The following CA10 variants were observed in gnomAD, a reference collection of about 807,000 sequenced individuals.
The protein encoded by CA10 is carbonic anhydrase-related protein 10.
A neutral mutation model predicts 44.2 loss-of-function variants in CA10; 14 were observed. The ratio of observed to expected loss-of-function variants is 0.32; its 90% CI spans 0.21 to 0.50. The LOEUF (loss-of-function observed/expected upper bound fraction) is 0.50. Among genes scored for constraint, CA10 ranks in the 20% least tolerant of loss-of-function variants. The pLI is 0.99. For missense variants in CA10, 350 were observed against 409.7 expected, an observed-to-expected ratio of 0.85 and a Z score of 1.26; for synonymous variants, 159 against 141.6, an observed-to-expected ratio of 1.12 and a Z score of -0.87.
chr17:51,762,624 A>G (rs1028064897), intron 3 of CA10: 16 of 152,294 alleles, frequency 1.1e-4, no homozygotes, highest in African/African-American at 3.8e-4. Flanking sequence ...ACTGTGTGAC[A>G]GATTCTTTGC....
At chr17:51,824,439 A>G (rs1907933472) in intron 3 of CA10, among the ~76,000 whole-genome samples, 1 of 152,238 alleles carries the variant, frequency 6.6e-6, no homozygotes. Context: ...AATAAATAAC[A>G]TTGTAATGTA....
intron 3 of CA10, among the ~76,000 whole-genome samples, chr17:51,791,310 A>T (rs1598046966): frequency 6.6e-6 from 1 of 152,200 alleles, no homozygotes; most frequent in South Asian, 2.1e-4. Flanking sequence ...TTCAAAACCA[A>T]TTCATGCAAT....
chr17:51,919,076 C>T (rs1276546930), intron 3 of CA10, among the ~76,000 whole-genome samples: 1 of 152,070 alleles, frequency 6.6e-6, no homozygotes, highest in African/African-American at 2.4e-5. Context: ...GTTTCAGAAA[C>T]CAAGCTTAGA....
rs531651880 is a variant in CA10, at chr17:52,029,561, CAAGGCG to C, written c.136+42752_136+42757del. Among the ~76,000 whole-genome samples the C allele has an allele frequency of 1.2e-3, 185 of 148,386 alleles. 4 individuals carry two copies. In the South Asian group the frequency reaches 0.025, roughly 20 times the overall value. On this transcript the variant is annotated intron_variant, in intron 2 of 8. Coordinates refer to ENST00000451037, the MANE Select transcript of CA10 (RefSeq NM_020178.5). ...GGCTTAGGAAGGTTGCTCAACCTCT[CAAGGCG>C]AAGGCGTTTGCTGTTTCTCATCTGT...
At chr17:51,802,601 C>A in intron 3 of CA10, among the ~76,000 whole-genome samples, 1 of 149,236 alleles carries the variant, frequency 6.7e-6, no homozygotes, top group Non-Finnish European at 1.5e-5. Flanking sequence ...ACCAGAAGCA[C>A]TCCCTACATT....
intron 2 of CA10, among the ~76,000 whole-genome samples, chr17:52,069,725 G>A (rs991581830): frequency 5.3e-5 from 8 of 152,174 alleles, no homozygotes; most frequent in African/African-American, 1.9e-4. Flanking sequence ...TGGGGCATTT[G>A]CGTGCTGAAT....
At chr17:51,708,479 C>A (rs1233810680) in intron 4 of CA10, among the ~76,000 whole-genome samples, 1 of 152,212 alleles carries the variant, frequency 6.6e-6, no homozygotes, top group Non-Finnish European at 1.5e-5. Flanking sequence ...AGAAAGTATA[C>A]TTTTCCCCAG....
In CA10 at chr17:51,976,461, G is replaced by A. The variant is rs927986908; in HGVS notation, c.137-45329C>T. ...GTTAATCATTATTTTAAGAAAATAC[G>A]CACATATTTAGAAATTAAACAACAC... On this transcript the variant is annotated intron_variant, in intron 2 of 8. Coordinates refer to ENST00000451037, the MANE Select transcript of CA10 (RefSeq NM_020178.5). Among the ~76,000 whole-genome samples, 10 of 151,970 alleles carry A rather than the reference G, an allele frequency of 6.6e-5. No individual in the cohort carries two copies. In the East Asian group the frequency reaches 9.6e-4, roughly 15 times the overall value.
chr17:51,910,833 T>C (rs2143950368), intron 3 of CA10, among the ~76,000 whole-genome samples: 1 of 152,322 alleles, frequency 6.6e-6, no homozygotes, highest in Non-Finnish European at 1.5e-5. Context: ...AAACTGCTCA[T>C]AAAATTAAGT....
At chr17:52,061,680 GCTT>G (rs1268520230) in intron 2 of CA10, among the ~76,000 whole-genome samples, 2 of 152,042 alleles carry the variant, frequency 1.3e-5, no homozygotes, top group African/African-American at 4.8e-5. Context: ...TCTCTTGCTG[GCTT>G]CTTCTCTCTC....
At chr17:51,712,523 G>C (rs560362918) in intron 4 of CA10, among the ~76,000 whole-genome samples, 1 of 152,284 alleles carries the variant, frequency 6.6e-6, no homozygotes, top group East Asian at 1.9e-4. Context: ...AGGATTAGAA[G>C]CCTCTGATAA....
At chr17:51,970,305 A>C (rs1389923052) in intron 2 of CA10, among the ~76,000 whole-genome samples, 2 of 152,058 alleles carry the variant, frequency 1.3e-5, no homozygotes, top group Non-Finnish European at 2.9e-5. Flanking sequence ...TGAAAAACAA[A>C]AGGAATTATC....
intron 2 of CA10, among the ~76,000 whole-genome samples, chr17:52,050,794 C>T (rs1172836930): frequency 1.4e-4 from 22 of 152,066 alleles, no homozygotes; most frequent in Non-Finnish European, 4.4e-5. Context: ...CCCCCCAACT[C>T]TTATTTCCTT....
intron 4 of CA10, among the ~76,000 whole-genome samples, chr17:51,737,173 A>G (rs1438662317): frequency 6.6e-6 from 1 of 152,184 alleles, no homozygotes; most frequent in Admixed American, 6.5e-5. Flanking sequence ...TCTTCCCTGG[A>G]CCAACCATGC....
intron 2 of CA10, among the ~76,000 whole-genome samples, chr17:51,964,930 C>A (rs1362093092): frequency 2.0e-5 from 3 of 151,326 alleles, no homozygotes; most frequent in African/African-American, 7.3e-5. Context: ...AAATTGAGAC[C>A]CCCCCAAATC....
chr17:51,847,198 A>T (rs1040160351), intron 3 of CA10, among the ~76,000 whole-genome samples: 1 of 152,214 alleles, frequency 6.6e-6, no homozygotes, highest in African/African-American at 2.4e-5. Context: ...GGTTCCAAAT[A>T]ATTTTGTAAG....
In CA10 at chr17:52,042,504, C is replaced by A. The variant is rs558058404; in HGVS notation, c.136+29815G>T. Among the ~76,000 whole-genome samples the A allele has an allele frequency of 1.4e-4, 21 of 151,926 alleles. 2 individuals are homozygous for A. The East Asian group carries it at 4.1e-3, about 30-fold the overall frequency. ...TTTCTTATATATTTTAGATATTAAC[C>A]ATTTATCAGATGTATAATTTGCAAA... On this transcript the variant is annotated intron_variant, in intron 2 of 8. Coordinates refer to ENST00000451037, the MANE Select transcript of CA10 (RefSeq NM_020178.5).
intron 3 of CA10, among the ~76,000 whole-genome samples, chr17:51,858,780 T>G (rs1036239612): frequency 3.3e-5 from 5 of 152,162 alleles, no homozygotes; most frequent in Non-Finnish European, 5.9e-5. Context: ...TGGAAATAAT[T>G]TCAGTGGCTA....
chr17:52,079,177 T>C (rs2143163674), intron 1 of CA10, among the ~76,000 whole-genome samples: 1 of 152,202 alleles, frequency 6.6e-6, no homozygotes, highest in East Asian at 1.9e-4. Context: ...TCCCAGCTAC[T>C]CGGGAGGCCA....
Sources: allele counts gnomAD v4.1 joint callset (sites outside exome capture counted in the v4.1 genomes callset), GRCh38; gene constraint gnomAD v4.1.1; transcripts MANE v1.5; gene names NCBI Gene and HGNC (gene_info 2026-07-23, HGNC 2026-07-21).